The following SGCZ variants were observed in gnomAD, a reference collection of about 807,000 sequenced individuals.
SGCZ encodes the protein zeta-sarcoglycan.
SGCZ carries 40 observed loss-of-function variants against 41.3 expected under a neutral mutation model. That is an observed-to-expected ratio of 0.97 (90% CI 0.75 to 1.26). The LOEUF (loss-of-function observed/expected upper bound fraction) is 1.26. Ranked by LOEUF, SGCZ falls within the 50% of genes most tolerant of loss-of-function variation. The probability of loss-of-function intolerance (pLI) is 0.00; values close to 1 mark genes in which losing one functional copy is unlikely to be tolerated. For synonymous variants in SGCZ, 206 were observed against 137.5 expected, an observed-to-expected ratio of 1.50 and a Z score of -3.49; for missense variants, 552 against 369.8, an observed-to-expected ratio of 1.49 and a Z score of -4.04.
intron 1 of SGCZ, among the ~76,000 whole-genome samples, chr8:14,960,416 G>C (rs1800927049): frequency 1.3e-5 from 2 of 151,990 alleles, no homozygotes; most frequent in South Asian, 4.1e-4. Flanking sequence ...GTAAGAACTA[G>C]CATCTGTGAT....
intron 1 of SGCZ, among the ~76,000 whole-genome samples, chr8:14,858,447 C>T (rs1012060260): frequency 6.6e-6 from 1 of 152,086 alleles, no homozygotes; most frequent in Admixed American, 6.6e-5. Flanking sequence ...TATTTCCTTG[C>T]AGTGTGTTGT....
At chr8:15,016,870 AAGAG>A (rs142823662) in intron 1 of SGCZ, among the ~76,000 whole-genome samples, 1 of 150,198 alleles carries the variant, frequency 6.7e-6, no homozygotes, top group African/African-American at 2.4e-5. Flanking sequence ...GTCATTTGGC[AAGAG>A]AGAGAGAGAG....
intron 1 of SGCZ, among the ~76,000 whole-genome samples, chr8:14,582,677 G>A (rs1198779877): frequency 1.9e-5 from 2 of 105,470 alleles, no homozygotes; most frequent in Non-Finnish European, 3.5e-5. Flanking sequence ...CCCCACAACA[G>A]TCCCCAGAGT....
intron 1 of SGCZ, among the ~76,000 whole-genome samples, chr8:14,988,648 T>C (rs1801906505): frequency 6.6e-6 from 1 of 152,116 alleles, no homozygotes; most frequent in Non-Finnish European, 1.5e-5. Flanking sequence ...AAAAAAAAAC[T>C]GTTATTCTAA....
intron 1 of SGCZ, among the ~76,000 whole-genome samples, chr8:15,080,125 G>A (rs568838683): frequency 6.6e-6 from 1 of 152,064 alleles, no homozygotes; most frequent in East Asian, 1.9e-4. Flanking sequence ...TTTGATTCCT[G>A]GACGAGATAT....
chr8:15,237,346 G>A (rs2117223156), intron 1 of SGCZ, among the ~76,000 whole-genome samples: 1 of 152,316 alleles, frequency 6.6e-6, no homozygotes, highest in South Asian at 2.1e-4. Context: ...GGCCGCTGGC[G>A]GGAGGAGCAG....
At chr8:14,688,621 G>C (rs1288640548) in intron 1 of SGCZ, among the ~76,000 whole-genome samples, 1 of 152,128 alleles carries the variant, frequency 6.6e-6, no homozygotes, top group Non-Finnish European at 1.5e-5. Flanking sequence ...TTTGAAATCA[G>C]GTAGCGTGAC....
chr8:14,377,375 G>T (rs958189625), intron 2 of SGCZ, among the ~76,000 whole-genome samples: 40 of 152,142 alleles, frequency 2.6e-4, no homozygotes, highest in African/African-American at 9.4e-4. Context: ...TCATTTGGCT[G>T]TTCCTGAGCC....
rs78602863 is a variant in SGCZ, at chr8:14,511,759, C to T, written c.234+42973G>A. Among the ~76,000 whole-genome samples the T allele has an allele frequency of 7.8e-4, 119 of 152,144 alleles. 2 individuals are homozygous for T. In the East Asian group the frequency reaches 0.019, roughly 24 times the overall value. On this transcript the variant is annotated intron_variant, in intron 2 of 7. Coordinates refer to ENST00000382080, the MANE Select transcript of SGCZ (RefSeq NM_139167.4). ...CAAGTTGTTAAGTATGATTGTATAGCCAAAGTTACTGTAGTTCCCAAATTC... is the reference window on the plus strand; with the variant it reads ...CAAGTTGTTAAGTATGATTGTATAGTCAAAGTTACTGTAGTTCCCAAATTC...
chr8:14,586,205 G>A (rs1805052075), intron 1 of SGCZ, among the ~76,000 whole-genome samples: 1 of 151,876 alleles, frequency 6.6e-6, no homozygotes, highest in South Asian at 2.1e-4. Flanking sequence ...TACTTTTTGG[G>A]TTTTTGTTTG....
chr8:14,698,085 C>T (rs2117589390), intron 1 of SGCZ, among the ~76,000 whole-genome samples: 1 of 152,042 alleles, frequency 6.6e-6, no homozygotes, highest in East Asian at 1.9e-4. Context: ...AAAAGGATCC[C>T]TTCGTATTTA....
intron 1 of SGCZ, among the ~76,000 whole-genome samples, chr8:14,598,341 A>G (rs973242049): frequency 6.6e-6 from 1 of 151,820 alleles, no homozygotes; most frequent in East Asian, 1.9e-4. Flanking sequence ...TTCTTTATAT[A>G]TTGTTTACCA....
intron 1 of SGCZ, among the ~76,000 whole-genome samples, chr8:15,033,321 A>G (rs552853984): frequency 6.6e-6 from 1 of 151,586 alleles, no homozygotes; most frequent in South Asian, 2.1e-4. Flanking sequence ...ACAGCCTCAG[A>G]CTCCAGGAAA....
chr8:14,269,463 C>T (rs1427021), intron 3 of SGCZ, among the ~76,000 whole-genome samples: 101,892 of 151,800 alleles, frequency 0.67, 34,489 homozygotes, highest in Admixed American at 0.71. Context: ...AAACGAGGCA[C>T]TGCATCAGAA....
chr8:14,436,514 T>C (rs1388069874), intron 2 of SGCZ, among the ~76,000 whole-genome samples: 1 of 152,200 alleles, frequency 6.6e-6, no homozygotes, highest in Admixed American at 6.5e-5. Flanking sequence ...ATTTTTATAG[T>C]GGTAGTAAGA....
intron 1 of SGCZ, among the ~76,000 whole-genome samples, chr8:14,682,667 C>T (rs1808487227): frequency 6.6e-6 from 1 of 152,140 alleles, no homozygotes; most frequent in African/African-American, 2.4e-5. Context: ...ATCTCCTGAC[C>T]TTGTGATCGG....
intron 1 of SGCZ, among the ~76,000 whole-genome samples, chr8:15,012,204 T>A (rs1802847647): frequency 6.6e-6 from 1 of 152,040 alleles, no homozygotes; most frequent in Non-Finnish European, 1.5e-5. Flanking sequence ...GGTGGATGCC[T>A]GTAATACCCG....
chr8:14,855,430 G>C (rs1803513476), intron 1 of SGCZ, among the ~76,000 whole-genome samples: 1 of 152,042 alleles, frequency 6.6e-6, no homozygotes, highest in Admixed American at 6.6e-5. Context: ...ATTTATGCTT[G>C]CTATTCCCAT....
intron 1 of SGCZ, among the ~76,000 whole-genome samples, chr8:14,733,283 C>T (rs1050865812): frequency 1.3e-5 from 2 of 152,188 alleles, no homozygotes; most frequent in African/African-American, 4.8e-5. Flanking sequence ...GCAGCTTTTC[C>T]TGTTGACCTT....
Sources: allele counts gnomAD v4.1 joint callset (sites outside exome capture counted in the v4.1 genomes callset), GRCh38; gene constraint gnomAD v4.1.1; transcripts MANE v1.5; gene names NCBI Gene and HGNC (gene_info 2026-07-23, HGNC 2026-07-21).